MGMT: variants seen among roughly 807,000 people sequenced by gnomAD.
The protein encoded by MGMT is methylated-DNA--protein-cysteine methyltransferase.
Under a neutral mutation model 15.9 loss-of-function variants are expected in MGMT, and 14 were observed. The observed-to-expected ratio is 0.88, with a 90% CI of 0.58 to 1.37. The LOEUF is 1.37. Among genes scored for constraint, MGMT ranks in the 40% most tolerant of loss-of-function variants. The probability of loss-of-function intolerance (pLI) is 0.00; values close to 1 mark genes in which losing one functional copy is unlikely to be tolerated. For synonymous variants in MGMT, 130 were observed against 118.2 expected (o/e 1.10, Z -0.65); for missense variants, 282 against 268.1 (o/e 1.05, Z -0.36).
chr10:129,617,647 C>T (rs513074), intron 2 of MGMT, among the ~76,000 whole-genome samples: 66,555 of 151,946 alleles, frequency 0.44, 15,968 homozygotes, highest in East Asian at 0.64. Context: ...TGGTGTCTCA[C>T]TGTGGTTTTG....
At chr10:129,715,540 G>A (rs187942628) in intron 3 of MGMT, 1 of 152,072 alleles carries the variant, frequency 6.6e-6, no homozygotes, top group South Asian at 2.1e-4. Context: ...GACATGTGCC[G>A]CTCCAAAAGA....
At chr10:129,581,653 T>G (rs1198134640) in intron 2 of MGMT, among the ~76,000 whole-genome samples, 1 of 152,182 alleles carries the variant, frequency 6.6e-6, no homozygotes, top group East Asian at 1.9e-4. Context: ...GTTTCCTTTC[T>G]TTAAAAAACA....
At chr10:129,544,731 T>C (rs1307838851) in intron 2 of MGMT, among the ~76,000 whole-genome samples, 1 of 152,230 alleles carries the variant, frequency 6.6e-6, no homozygotes, top group Non-Finnish European at 1.5e-5. Context: ...CTCGGTCCCC[T>C]CGCCTCATTG....
At chr10:129,642,885 T>TCCCA (rs2133091105) in intron 2 of MGMT, among the ~76,000 whole-genome samples, 1 of 151,188 alleles carries the variant, frequency 6.6e-6, no homozygotes, top group South Asian at 2.1e-4. Flanking sequence ...TGAGCCGCGA[T>TCCCA]CCCACCAAGG....
chr10:129,719,271 G>T (rs966309360), intron 3 of MGMT, among the ~76,000 whole-genome samples: 1 of 152,206 alleles, frequency 6.6e-6, no homozygotes, highest in Non-Finnish European at 1.5e-5. Flanking sequence ...GAGCCAGTCC[G>T]TGTGCCTGCT....
At chr10:129,644,699 T>C (rs1006481796) in intron 2 of MGMT, among the ~76,000 whole-genome samples, 3 of 152,162 alleles carry the variant, frequency 2.0e-5, no homozygotes, top group Non-Finnish European at 2.9e-5. Context: ...GATAGCTTGG[T>C]TGTGAGGATT....
intron 1 of MGMT, among the ~76,000 whole-genome samples, chr10:129,479,811 G>A (rs973242860): frequency 6.6e-6 from 1 of 151,884 alleles, no homozygotes; most frequent in Non-Finnish European, 1.5e-5. Context: ...GTGGTGGGGT[G>A]GGATCTGTGT....
chr10:129,621,677 A>C (rs532316503), intron 2 of MGMT, among the ~76,000 whole-genome samples: 1 of 152,330 alleles, frequency 6.6e-6, no homozygotes, highest in African/African-American at 2.4e-5. Context: ...TCTCTTTGGA[A>C]GTATGATGCT....
rs1454215573 is a variant in MGMT, at chr10:129,532,620, C to T, written c.-12-3621C>T. 2.0e-5 allele frequency among the ~76,000 whole-genome samples: 3 copies of T among 152,070 alleles called. No homozygotes were observed. The highest frequency in any genetic ancestry group is 4.4e-5 in the Non-Finnish European group (3 of 68,012). On this transcript the variant is annotated intron_variant, in intron 1 of 4. Transcript: ENST00000651593. This position sits in a 1 kb window ranked among gnomAD's most constrained non-coding sequence, Gnocchi z 5.3. ...CCTACCTTTCTCCCTGGCCCTGTCTCTGCACACTCCAATGTCTTCCCCTTT... is the reference window on the plus strand; with the variant it reads ...CCTACCTTTCTCCCTGGCCCTGTCTTTGCACACTCCAATGTCTTCCCCTTT...
chr10:129,479,559 G>A (rs1845332751), intron 1 of MGMT, among the ~76,000 whole-genome samples: 1 of 152,186 alleles, frequency 6.6e-6, no homozygotes, highest in Non-Finnish European at 1.5e-5. Flanking sequence ...GTCTCCCAAA[G>A]AGAATCAGTC....
intron 2 of MGMT, among the ~76,000 whole-genome samples, chr10:129,669,309 A>T (rs898987137): frequency 1.3e-5 from 2 of 152,130 alleles, no homozygotes; most frequent in Admixed American, 6.6e-5. Flanking sequence ...GGAACTATGG[A>T]TGCACACCAC....
At chr10:129,482,398 T>G (rs1845368099) in intron 1 of MGMT, among the ~76,000 whole-genome samples, 1 of 152,090 alleles carries the variant, frequency 6.6e-6, no homozygotes, top group African/African-American at 2.4e-5. Context: ...TTGGGTGGAG[T>G]GCTCTTTAAA....
intron 4 of MGMT, among the ~76,000 whole-genome samples, chr10:129,761,128 G>T (rs1233625767): frequency 6.6e-6 from 1 of 152,330 alleles, no homozygotes; most frequent in Middle Eastern, 3.4e-3. Flanking sequence ...CAGCTCAGAT[G>T]CTGTTGTGTT....
rs1845958720 is a variant in MGMT, at chr10:129,533,906, G to A, written c.-12-2335G>A. Among the ~76,000 whole-genome samples the A allele has an allele frequency of 6.6e-6, 1 of 152,126 alleles. No homozygotes were observed. The highest frequency in any genetic ancestry group is 2.4e-5 in the African/African-American group (1 of 41,426). ...ACTTTGGAAGAATGGGCGGGATGGTGATGATTTGAATGAGACTTGGGGGAG... is the reference window on the plus strand; with the variant it reads ...ACTTTGGAAGAATGGGCGGGATGGTAATGATTTGAATGAGACTTGGGGGAG... On this transcript the variant is annotated intron_variant, in intron 1 of 4. Coordinates refer to ENST00000651593, the MANE Select transcript of MGMT (RefSeq NM_002412.5). The surrounding 1 kb of genome is among the most constrained non-coding windows in gnomAD (Gnocchi z 4.5).
chr10:129,563,208 C>T (rs890888480), intron 2 of MGMT, among the ~76,000 whole-genome samples: 1 of 152,100 alleles, frequency 6.6e-6, no homozygotes, highest in East Asian at 1.9e-4. Flanking sequence ...CATCATAAGT[C>T]GAGGCACATC....
rs148470574 is a variant in MGMT, at chr10:129,609,375, C to T, written c.125+72998C>T. Reference sequence around the variant, plus strand: ...TGGAGGTGGAATCTCTGGCCCCATCCGGATGATAGAGGTGGAATCTCTGGC... The same window carrying T: ...TGGAGGTGGAATCTCTGGCCCCATCTGGATGATAGAGGTGGAATCTCTGGC... On this transcript the variant is annotated intron_variant, in intron 2 of 4. Coordinates refer to ENST00000651593, the MANE Select transcript of MGMT (RefSeq NM_002412.5). Among the ~76,000 whole-genome samples, 873 of 148,810 alleles carry T rather than the reference C, an allele frequency of 5.9e-3. 5 individuals are homozygous for T. The highest frequency in any genetic ancestry group is 0.021 in the African/African-American group (827 of 40,160).
In MGMT at chr10:129,577,257, G is replaced by A. The variant is rs988388591; in HGVS notation, c.125+40880G>A. Among the ~76,000 whole-genome samples, 9 of 152,042 alleles carry A rather than the reference G, an allele frequency of 5.9e-5. No homozygotes were observed. In the South Asian group the frequency reaches 1.2e-3, roughly 21 times the overall value. On this transcript the variant is annotated intron_variant, in intron 2 of 4. Coordinates refer to ENST00000651593, the MANE Select transcript of MGMT (RefSeq NM_002412.5). Reference sequence around the variant, plus strand: ...ATCCTAAGCCAAAAGAACAAAGCTGGAGGCATCACGCTACCTGACTTCAAA... The same window carrying A: ...ATCCTAAGCCAAAAGAACAAAGCTGAAGGCATCACGCTACCTGACTTCAAA...
intron 2 of MGMT, among the ~76,000 whole-genome samples, chr10:129,565,474 G>A (rs146614930): frequency 1.4e-3 from 206 of 152,252 alleles, no homozygotes; most frequent in African/African-American, 4.6e-3. Context: ...ATATGCTACC[G>A]TATGTTTCAA....
At chr10:129,467,319 T>C in intron 1 of MGMT, 23 bp downstream of exon 1, 1 of 1,533,612 alleles carries the variant, frequency 6.5e-7, no homozygotes, top group Non-Finnish European at 8.8e-7. Context: ...GTCGCCTCGC[T>C]CCCGGAAGAG....
Sources: gnomAD v4.1 joint callset for allele counts (sites outside exome capture counted in the v4.1 genomes callset) on GRCh38, gnomAD v4.1.1 for gene constraint, Gnocchi (gnomAD v3.1) non-coding constraint, MANE v1.5 for transcripts, NCBI Gene and HGNC (gene_info 2026-07-23, HGNC 2026-07-21) for gene names.